Variants in PDE1C observed in about 807,000 individuals in gnomAD.
The protein encoded by PDE1C is dual specificity calcium/calmodulin-dependent 3',5'-cyclic nucleotide phosphodiesterase 1C.
In PDE1C, 62 loss-of-function variants were observed where a neutral mutation model predicts 93.1. The observed-to-expected ratio is 0.67, with a 90% confidence interval of 0.54 to 0.82. The LOEUF (loss-of-function observed/expected upper bound fraction) is 0.82. Ranked by LOEUF, PDE1C falls within the 40% of genes least tolerant of loss-of-function variation. PDE1C has a pLI of 0.00. For synonymous variants in PDE1C, 325 were observed against 310.1 expected (o/e 1.05, Z -0.50); for missense variants, 742 against 884.6 (o/e 0.84, Z 2.04).
At chr7:31,990,911 A>AT (rs928554825) in intron 2 of PDE1C, among the ~76,000 whole-genome samples, 4 of 152,104 alleles carry the variant, frequency 2.6e-5, no homozygotes, top group Admixed American at 2.6e-4. Flanking sequence ...AAACTACCAC[A>AT]TTTTTTCCTC....
intron 3 of PDE1C, among the ~76,000 whole-genome samples, chr7:32,137,717 G>A (rs1800289717): frequency 6.6e-6 from 1 of 152,152 alleles, no homozygotes; most frequent in South Asian, 2.1e-4. Flanking sequence ...TCAGTTGAAA[G>A]AGTGCTTCCT....
chr7:31,948,531 G>A lies in PDE1C; in HGVS notation c.129-67671C>T, dbSNP rs1192569811. ...ACTCACTTAGCTTCATGAAGGTTAC[G>A]AATCAGTAGAGTACCAAGAGAAGGT... On this transcript the variant is annotated intron_variant, in intron 2 of 17. Transcript: ENST00000396191. Among the ~76,000 whole-genome samples, 6 of 152,182 alleles carry A rather than the reference G, an allele frequency of 3.9e-5. No homozygotes were observed. The East Asian group carries it at 5.8e-4, about 15-fold the overall frequency.
At chr7:32,274,209 A>T (rs1215705624) in intron 1 of PDE1C, among the ~76,000 whole-genome samples, 1 of 144,132 alleles carries the variant, frequency 6.9e-6, no homozygotes, top group Non-Finnish European at 1.5e-5. Context: ...TAGTTTTTTA[A>T]TTTTTTTTTT....
chr7:32,309,125 A>G (rs892969487), intron 1 of PDE1C, among the ~76,000 whole-genome samples: 1 of 152,232 alleles, frequency 6.6e-6, no homozygotes, highest in African/African-American at 2.4e-5. Context: ...GAGCCAATGC[A>G]ATCAACTGGA....
At chr7:32,354,169 G>A (rs1783987478) in intron 1 of PDE1C, among the ~76,000 whole-genome samples, 1 of 152,174 alleles carries the variant, frequency 6.6e-6, no homozygotes, top group Non-Finnish European at 1.5e-5. Flanking sequence ...TATTTCAGGA[G>A]AATAAAATAC....
chr7:32,062,163 C>T (rs950046731), intron 1 of PDE1C, among the ~76,000 whole-genome samples: 1 of 152,150 alleles, frequency 6.6e-6, no homozygotes, highest in African/African-American at 2.4e-5. Flanking sequence ...ATGTTCCTCC[C>T]TTAGTGATCC....
the PDE1C span, among the ~76,000 whole-genome samples, chr7:31,691,017 G>C: frequency 4.6e-5 from 7 of 152,154 alleles, no homozygotes; most frequent in Admixed American, 1.3e-4. Flanking sequence ...CTCATCCTGA[G>C]TGATGTTCCC....
the PDE1C span, among the ~76,000 whole-genome samples, chr7:31,623,031 A>G: frequency 6.6e-6 from 1 of 152,312 alleles, no homozygotes; most frequent in African/African-American, 2.4e-5. Context: ...CTCAACACAT[A>G]CACCCTCCCA....
intron 1 of PDE1C, among the ~76,000 whole-genome samples, chr7:32,269,906 TA>T (rs1444798163): frequency 3.9e-5 from 6 of 152,140 alleles, no homozygotes; most frequent in African/African-American, 1.4e-4. Flanking sequence ...CCCGAGTAGC[TA>T]GGACTACATG....
chr7:31,631,594 C>A, the PDE1C span, among the ~76,000 whole-genome samples: 3 of 151,888 alleles, frequency 2.0e-5, no homozygotes, highest in African/African-American at 7.3e-5. Flanking sequence ...TTTACAGAAG[C>A]GGATTTTTCT....
chr7:32,250,534 G>A (rs1310049166), intron 1 of PDE1C, among the ~76,000 whole-genome samples: 1 of 152,122 alleles, frequency 6.6e-6, no homozygotes. Context: ...CCCTGCTGTC[G>A]GCTCTAATTC....
intron 3 of PDE1C, among the ~76,000 whole-genome samples, chr7:32,100,049 T>A (rs943626738): frequency 6.6e-6 from 1 of 152,214 alleles, no homozygotes; most frequent in African/African-American, 2.4e-5. Flanking sequence ...TTTGGTAATA[T>A]GCTTATCCCC....
intron 2 of PDE1C, among the ~76,000 whole-genome samples, chr7:31,999,177 CAG>C (rs1215122169): frequency 3.9e-5 from 6 of 152,136 alleles, no homozygotes; most frequent in Admixed American, 1.3e-4. Context: ...CAGTTGGGGG[CAG>C]AGTCATATCA....
intron 3 of PDE1C, among the ~76,000 whole-genome samples, chr7:32,082,831 T>C (rs1303591437): frequency 5.9e-5 from 9 of 151,800 alleles, no homozygotes; most frequent in Non-Finnish European, 1.2e-4. Context: ...AGAAAGGACA[T>C]CCACACCAAA....
In PDE1C at chr7:31,751,793, C is replaced by T. The variant is rs756615171; in HGVS notation, c.*1591G>A. On this transcript the variant is annotated 3_prime_UTR_variant, in exon 18 of 18. Transcript: ENST00000396191. ...CAATAGCATGGTAGGCACTAAATTC[C>T]GGAACTTGCTCAACTTGAATAACTG... 2 of 152,104 alleles carry T rather than the reference C, an allele frequency of 1.3e-5. No individual in the cohort carries two copies. The highest frequency in any genetic ancestry group is 2.4e-5 in the African/African-American group (1 of 41,428). 9.4% of individuals were successfully genotyped at this position (152,104 alleles called of 1,614,324 possible).
intron 3 of PDE1C, among the ~76,000 whole-genome samples, chr7:32,121,420 C>T (rs1799293716): frequency 6.6e-6 from 1 of 151,884 alleles, no homozygotes. Context: ...CCCCAAGACA[C>T]ATAATCGTCA....
chr7:31,719,117 A>G, the PDE1C span, among the ~76,000 whole-genome samples: 1 of 152,218 alleles, frequency 6.6e-6, no homozygotes, highest in Non-Finnish European at 1.5e-5. Context: ...AGGTTGTGCA[A>G]TCTTGATTGT....
intron 14 of PDE1C, 118 bp downstream of exon 14, chr7:31,822,955 T>C (rs1562866029): frequency 1.3e-6 from 1 of 794,174 alleles, no homozygotes; most frequent in East Asian, 2.6e-5. Flanking sequence ...TAGATTCTAA[T>C]ATTCGGCAAT....
At chr7:32,389,362 G>A (rs765812031) in intron 1 of PDE1C, among the ~76,000 whole-genome samples, 13 of 152,070 alleles carry the variant, frequency 8.5e-5, no homozygotes, top group Admixed American at 3.3e-4. Context: ...GCTTACAGGC[G>A]TGTGCCACCA....
Sources: gnomAD v4.1 joint callset for allele counts (sites outside exome capture counted in the v4.1 genomes callset) on GRCh38, gnomAD v4.1.1 for gene constraint, MANE v1.5 for transcripts, NCBI Gene and HGNC (gene_info 2026-07-23, HGNC 2026-07-21) for gene names.